The following KBTBD11 variants were observed in gnomAD, a reference collection of about 807,000 sequenced individuals.
KBTBD11 encodes the protein kelch repeat and BTB domain containing 11, also known as kelch repeat and BTB domain-containing protein 11.
For synonymous variants in KBTBD11, 747 were observed against 499.0 expected, an observed-to-expected ratio of 1.50 and a Z score of -6.63; for missense variants, 1,390 against 1,001.8, an observed-to-expected ratio of 1.39 and a Z score of -5.23.
At chr8:1,975,113 A>T (rs566404537) in intron 1 of KBTBD11, 1 of 152,392 alleles carries the variant, frequency 6.6e-6, no homozygotes, top group East Asian at 1.9e-4. Flanking sequence ...ACATCACGGA[A>T]GGGAGCGTTC....
intron 1 of KBTBD11, among the ~76,000 whole-genome samples, chr8:1,993,609 C>T (rs1817018379): frequency 6.7e-6 from 1 of 149,550 alleles, no homozygotes; most frequent in Admixed American, 6.7e-5. Flanking sequence ...TTACACAGTC[C>T]AGCCTGTGCT....
intron 1 of KBTBD11, among the ~76,000 whole-genome samples, chr8:1,977,299 G>A (rs1173407720): frequency 6.6e-6 from 1 of 152,158 alleles, no homozygotes; most frequent in African/African-American, 2.4e-5. Flanking sequence ...AGAATGTTTT[G>A]TAAATGAAAA....
At chr8:1,982,321 A>G (rs115372869) in intron 1 of KBTBD11, among the ~76,000 whole-genome samples, 1,649 of 152,352 alleles carry the variant, frequency 0.011, 24 homozygotes, top group African/African-American at 0.037. Context: ...AAAGGAAGAC[A>G]GCAAGAGAGG....
At chr8:1,994,890 C>G (rs1184874268) in intron 1 of KBTBD11, among the ~76,000 whole-genome samples, 4 of 152,076 alleles carry the variant, frequency 2.6e-5, no homozygotes, top group Admixed American at 6.5e-5. Flanking sequence ...GAAACTCCGT[C>G]TCTACTAAAA....
Position 2,002,702 on chromosome 8 carries a change from C to T in KBTBD11, c.1510C>T (p.Arg504Cys), listed in dbSNP as rs1396334441. 2 of 1,545,034 alleles carry T rather than the reference C, an allele frequency of 1.3e-6. No homozygotes were observed. The highest frequency in any genetic ancestry group is 1.7e-6 in the Non-Finnish European group (2 of 1,154,158). ...GGTGGCTCTCGACGGCTTCATCTAC[C>T]GCTTCGATCTGAGCGGCAGCCGCGG... ...DMVALDGFIYRFDLSGSRGEA... is the reference protein window; with the variant it reads ...DMVALDGFIYCFDLSGSRGEA... Residue 504 changes from arginine to cysteine, a missense_variant, in exon 2 of 2, where the codon CGC becomes TGC. Arg to Cys is a radical substitution (Grantham distance 180). Coordinates refer to ENST00000320248, the MANE Select transcript of KBTBD11 (RefSeq NM_014867.3). This position sits in a 1 kb window ranked among gnomAD's most constrained non-coding sequence, Gnocchi z 4.1.
chr8:1,998,118 A>G (rs1817212096), intron 1 of KBTBD11, among the ~76,000 whole-genome samples: 1 of 152,252 alleles, frequency 6.6e-6, no homozygotes, highest in African/African-American at 2.4e-5. Flanking sequence ...GAGTGCTGAC[A>G]TAATGCTCAT....
At chr8:1,992,944 GTTA>G (rs1816972417) in intron 1 of KBTBD11, among the ~76,000 whole-genome samples, 2 of 151,474 alleles carry the variant, frequency 1.3e-5, no homozygotes, top group African/African-American at 4.9e-5. Flanking sequence ...TTTTGTTATT[GTTA>G]TTATTTTTGA....
Position 2,003,875 on chromosome 8 carries a change from C to T in KBTBD11, c.*811C>T, listed in dbSNP as rs908840366. The T allele has an allele frequency of 6.0e-6, 1 of 166,916 alleles. No individual in the cohort carries two copies. The highest frequency in any genetic ancestry group is 1.5e-5 in the Non-Finnish European group (1 of 68,108). The allele number at this position is 166,916 out of a possible 1,614,324, so 10.3% of individuals were successfully genotyped here. A position where few individuals can be genotyped will look rare whatever the true frequency, so the allele number is the denominator to read the frequency against. On this transcript the variant is annotated 3_prime_UTR_variant, in exon 2 of 2. Coordinates refer to ENST00000320248, the MANE Select transcript of KBTBD11 (RefSeq NM_014867.3). ...GCACATCATAAGTAGGAAAAACTTA[C>T]CAGGGTGCTTGTCTATCTAAAAAGC...
In KBTBD11 at chr8:1,993,958, C is replaced by CACACACACAAAAAA. The variant is rs1554527404; in HGVS notation, c.-908-6326_-908-6325insCACACACAAAAAAA. On this transcript the variant is annotated intron_variant, in intron 1 of 1. Coordinates refer to ENST00000320248, the MANE Select transcript of KBTBD11 (RefSeq NM_014867.3). ...ACACACACACACACACACACACACA[C>CACACACACAAAAAA]AAAACCCCATAGATGGTTTATCAGG... 2.7e-5 allele frequency among the ~76,000 whole-genome samples: 4 copies of CACACACACAAAAAA among 148,244 alleles called. No homozygotes were observed. In the South Asian group the frequency reaches 6.4e-4, roughly 24 times the overall value.
At chr8:1,979,509 G>C (rs892930782) in intron 1 of KBTBD11, among the ~76,000 whole-genome samples, 3 of 152,116 alleles carry the variant, frequency 2.0e-5, no homozygotes, top group African/African-American at 7.2e-5. Context: ...ACGCACTTGT[G>C]ATCCCAGCTA....
chr8:1,982,480 A>C lies in KBTBD11; in HGVS notation c.-909+8545A>C, dbSNP rs73184734. Among the ~76,000 whole-genome samples the C allele has an allele frequency of 9.4e-3, 1,276 of 135,740 alleles. 16 individuals carry two copies. The highest frequency in any genetic ancestry group is 0.022 in the South Asian group (90 of 4,096). 89.1% of individuals were successfully genotyped at this position (135,740 alleles called of 152,430 possible). A position where few individuals can be genotyped will look rare whatever the true frequency, so the allele number is the denominator to read the frequency against. ...GAGTGCATGAATGGGTTAAAAAAAC[A>C]TATAAGACCCCACTATATGCTGCCT... is the stretch of plus-strand genomic sequence containing the variant. On this transcript the variant is annotated intron_variant, in intron 1 of 1. Transcript: ENST00000320248.
chr8:1,983,476 A>G (rs1816607721), intron 1 of KBTBD11, among the ~76,000 whole-genome samples: 1 of 152,082 alleles, frequency 6.6e-6, no homozygotes, highest in Admixed American at 6.5e-5. Flanking sequence ...CCCTATTTCC[A>G]TCATCCGTCG....
Position 2,002,221 on chromosome 8 carries a change from G to C in KBTBD11, c.1029G>C (p.Leu343=). ...GAGAGTGGCGCGAGCTGACGCGGCT[G>C]CCCGAGGGCGCGCCGGCGCGGGGCT... The part of the protein sequence containing the change: ...AAGEWRELTR[L]PEGAPARGCG... Residue 343 remains leucine (L), a synonymous_variant, in exon 2 of 2, where the codon CTG becomes CTC. Coordinates refer to ENST00000320248, the MANE Select transcript of KBTBD11 (RefSeq NM_014867.3). This position sits in a 1 kb window ranked among gnomAD's most constrained non-coding sequence, Gnocchi z 4.1. 6.3e-6 allele frequency: 8 copies of C among 1,267,920 alleles called. No homozygotes were observed. Among genetic ancestry groups the C allele is most frequent in the Non-Finnish European group, 7.9e-6 (8 of 1,011,234 alleles). The allele number at this position is 1,267,920 out of a possible 1,614,324, so 78.5% of individuals were successfully genotyped here.
At chr8:1,974,206 C>T (rs1226787706) in intron 1 of KBTBD11, 1 of 839,116 alleles carries the variant, frequency 1.2e-6, no homozygotes, top group Non-Finnish European at 1.4e-6. Context: ...GGGTGGTCTC[C>T]GCTCCGCCTC....
At position 2,000,960 on chromosome 8, in the gene KBTBD11, C is replaced by T. The variant is rs4322044; in HGVS notation, c.-233C>T. The T allele has an allele frequency of 0.91, 402,594 of 442,694 alleles. 184,099 individuals are homozygous for T. The highest frequency in any genetic ancestry group is 1 in the East Asian group (27,974 of 27,988). 27.4% of individuals were successfully genotyped at this position (442,694 alleles called of 1,614,324 possible). A position where few individuals can be genotyped will look rare whatever the true frequency, so the allele number is the denominator to read the frequency against. On this transcript the variant is annotated 5_prime_UTR_variant, in exon 2 of 2. Coordinates refer to ENST00000320248, the MANE Select transcript of KBTBD11 (RefSeq NM_014867.3). ...GCTGGGGTTCAGAAGTTCAGCAAGT[C>T]GGACACACCCCTCCTCGCTGGAGAG...
rs1213678150 is a variant in KBTBD11 at position 2,002,322 on chromosome 8, G to A, written c.1130G>A (p.Arg377His). Reference sequence around the variant, plus strand: ...CCCGCGGGCCCCGACGGCCGCGCGCGCCCGTCCGACCAGGTCTTCTGCTAC... The same window carrying A: ...CCCGCGGGCCCCGACGGCCGCGCGCACCCGTCCGACCAGGTCTTCTGCTAC... ...VAPAGPDGRA[R>H]PSDQVFCYNP... Residue 377 changes from arginine (R) to histidine (H), a missense_variant, in exon 2 of 2, where the codon CGC (arginine) becomes CAC (histidine). Transcript: ENST00000320248. The surrounding 1 kb of genome is among the most constrained non-coding windows in gnomAD (Gnocchi z 4.1). The A allele has an allele frequency of 2.2e-6, 3 of 1,385,408 alleles. No individual in the cohort carries two copies. The highest frequency in any genetic ancestry group is 1.9e-6 in the Non-Finnish European group (2 of 1,076,362). The allele number at this position is 1,385,408 out of a possible 1,614,324, so 85.8% of individuals were successfully genotyped here. A position where few individuals can be genotyped will look rare whatever the true frequency, so the allele number is the denominator to read the frequency against.
rs1397325630 is a variant in KBTBD11 at position 2,002,767 on chromosome 8, C to T, written c.1575C>T (p.Ser525=). 4.7e-6 allele frequency: 7 copies of T among 1,479,374 alleles called. No homozygotes were observed. Among genetic ancestry groups the T allele is most frequent in the Non-Finnish European group, 8.9e-7 (1 of 1,122,764 alleles). The allele number at this position is 1,479,374 out of a possible 1,614,324, so 91.6% of individuals were successfully genotyped here. ...QAAGPSGVSV[S]RYHCLAKQWS... ...CGGGGCCGAGCGGGGTCAGCGTGTC[C>T]CGATACCACTGCCTGGCCAAGCAGT... The change falls in exon 2 of 2, where the codon TCC becomes TCT. Residue 525 remains serine (S), a synonymous_variant. Coordinates refer to ENST00000320248, the MANE Select transcript of KBTBD11 (RefSeq NM_014867.3). This position sits in a 1 kb window ranked among gnomAD's most constrained non-coding sequence, Gnocchi z 4.1.
chr8:1,974,176 G>A (rs1474079250), intron 1 of KBTBD11, among the ~76,000 whole-genome samples: 2 of 141,718 alleles, frequency 1.4e-5, no homozygotes, highest in Non-Finnish European at 3.1e-5. Context: ...AGCGCTGCCC[G>A]CGGCGGGGTG....
At position 2,003,959 on chromosome 8, in the gene KBTBD11, A is replaced by G. The variant is rs371391802; in HGVS notation, c.*895A>G. 1.2e-5 allele frequency: 2 copies of G among 166,874 alleles called. No individual in the cohort carries two copies. Among genetic ancestry groups the G allele is most frequent in the African/African-American group, 4.8e-5 (2 of 41,462 alleles). The allele number at this position is 166,874 out of a possible 1,614,324, so 10.3% of individuals were successfully genotyped here. ...CTTTCATAATCTGGAACGAGATAAA[A>G]TATTCCTAAAAAGCGGGGAAAATCA... is the stretch of plus-strand genomic sequence containing the variant. On this transcript the variant is annotated 3_prime_UTR_variant, in exon 2 of 2. Coordinates refer to ENST00000320248, the MANE Select transcript of KBTBD11 (RefSeq NM_014867.3).
Sources: allele counts gnomAD v4.1 joint callset (sites outside exome capture counted in the v4.1 genomes callset), GRCh38; gene constraint gnomAD v4.1.1; non-coding constraint Gnocchi (gnomAD v3.1); transcripts MANE v1.5; gene names NCBI Gene and HGNC (gene_info 2026-07-23, HGNC 2026-07-21).